Variants in ACOT1 observed in about 807,000 individuals in gnomAD.
ACOT1 encodes acyl-CoA thioesterase 1.
Under a neutral mutation model 15.7 loss-of-function variants are expected in ACOT1, and 8 were observed. The observed-to-expected ratio is 0.51, with a 90% CI of 0.30 to 0.92. The LOEUF is 0.92. Ranked by LOEUF, ACOT1 falls within the 40% of genes least tolerant of loss-of-function variation. The probability of loss-of-function intolerance (pLI) is 0.06; values close to 1 mark genes in which losing one functional copy is unlikely to be tolerated. For synonymous variants in ACOT1, 67 were observed against 241.2 expected (o/e 0.28, Z 6.69); for missense variants, 151 against 539.4 (o/e 0.28, Z 7.13).
intron 1 of ACOT1, among the ~76,000 whole-genome samples, chr14:73,540,356 T>C (rs937776440): frequency 5.0e-5 from 7 of 139,230 alleles, no homozygotes; most frequent in African/African-American, 1.8e-4. Flanking sequence ...GATTAATAAA[T>C]TGAGGTATAT....
At chr14:73,503,696 G>C in the ACOT1 span, among the ~76,000 whole-genome samples, 4 of 152,112 alleles carry the variant, frequency 2.6e-5, no homozygotes, top group African/African-American at 4.8e-5. Context: ...CCCCTTGTAA[G>C]CACAGGAAAT....
upstream of ACOT1, among the ~76,000 whole-genome samples, chr14:73,534,948 C>T (rs760455107): frequency 1.2e-4 from 13 of 111,992 alleles, 5 homozygotes; most frequent in Non-Finnish European, 2.5e-4. Context: ...CATTCAGCTA[C>T]TGGGGGAGTG....
the ACOT1 span, chr14:73,492,575 G>A: frequency 6.2e-7 from 1 of 1,613,910 alleles, no homozygotes; most frequent in Non-Finnish European, 8.5e-7. This position sits in a 1 kb window ranked among gnomAD's most constrained non-coding sequence, Gnocchi z 4.9. Context: ...TAGGGAGAGG[G>A]CACTAAGTGT....
chr14:73,529,417 A>T, the ACOT1 span, among the ~76,000 whole-genome samples: 1 of 151,844 alleles, frequency 6.6e-6, no homozygotes, highest in East Asian at 1.9e-4. Context: ...AGGCCCTGGA[A>T]TGAGCAACCC....
the ACOT1 span, chr14:73,522,686 G>A: frequency 6.2e-7 from 1 of 1,614,244 alleles, no homozygotes; most frequent in South Asian, 1.1e-5. Flanking sequence ...TTCCCGGACG[G>A]TGCTGGCTGG....
the ACOT1 span, chr14:73,509,241 A>G: frequency 9.1e-6 from 13 of 1,430,052 alleles, no homozygotes; most frequent in Non-Finnish European, 1.3e-5. Context: ...TGGAGAGGAA[A>G]GGACTGGGAA....
chr14:73,500,965 T>C, the ACOT1 span, among the ~76,000 whole-genome samples: 1 of 152,244 alleles, frequency 6.6e-6, no homozygotes, highest in East Asian at 1.9e-4. Flanking sequence ...TTACACTGAA[T>C]GACTGAATAA....
the ACOT1 span, chr14:73,498,074 A>T: frequency 7.6e-7 from 1 of 1,323,468 alleles, no homozygotes; most frequent in Non-Finnish European, 1.0e-6. Flanking sequence ...TAGCCTGGAA[A>T]GGCAGGGACA....
the ACOT1 span, among the ~76,000 whole-genome samples, chr14:73,505,401 T>C: frequency 6.8e-6 from 1 of 147,870 alleles, no homozygotes; most frequent in African/African-American, 2.6e-5. Context: ...TTGTTTTTTT[T>C]TGTTTTGTTT....
the ACOT1 span, among the ~76,000 whole-genome samples, chr14:73,501,697 C>T: frequency 6.6e-6 from 1 of 151,594 alleles, no homozygotes; most frequent in Admixed American, 6.6e-5. Context: ...GCCTCAGCCT[C>T]CCAAGTAGCT....
At chr14:73,521,464 A>G in the ACOT1 span, among the ~76,000 whole-genome samples, 1 of 152,130 alleles carries the variant, frequency 6.6e-6, no homozygotes, top group African/African-American at 2.4e-5. Flanking sequence ...AAGCTCCTTA[A>G]AGGTACATAT....
the ACOT1 span, chr14:73,495,402 A>G: frequency 6.2e-7 from 1 of 1,605,012 alleles, no homozygotes. Context: ...ATTAGAACAA[A>G]TAATGTTTGA....
chr14:73,503,133 T>G, the ACOT1 span: 8 of 790,656 alleles, frequency 1.0e-5, no homozygotes, highest in East Asian at 1.7e-4. Context: ...TTGTCCTGAG[T>G]GTTTTTTCCC....
chr14:73,499,233 CATTT>C, the ACOT1 span: 1 of 1,109,280 alleles, frequency 9.0e-7, no homozygotes, highest in Non-Finnish European at 1.4e-6. Flanking sequence ...GTAATCCCAG[CATTT>C]TGGGATGCCA....
the ACOT1 span, among the ~76,000 whole-genome samples, chr14:73,506,812 T>G: frequency 3.2e-4 from 42 of 130,956 alleles, 1 homozygote; most frequent in Admixed American, 9.8e-4. Flanking sequence ...CTGTTTTTTT[T>G]TTTTTTTTTT....
chr14:73,541,567 C>T lies in ACOT1; in HGVS notation c.532C>T (p.Leu178=). The T allele has an allele frequency of 2.4e-6, 3 of 1,244,590 alleles. 1 individual carries two copies. The highest frequency in any genetic ancestry group is 3.2e-6 in the Non-Finnish European group (3 of 936,560). The allele number at this position is 1,244,590 out of a possible 1,614,324, so 77.1% of individuals were successfully genotyped here. The change falls in exon 2 of 3, where the codon CTG becomes TTG. Residue 178 remains leucine (L), a synonymous_variant. Transcript: ENST00000311148. ...GGLLEYRASL[L]AGKGFAVMAL... is the part of the protein sequence containing the mutation. ...CCTGCTGGAGTATCGGGCTAGTCTG[C>T]TGGCTGGGAAGGGTTTTGCTGTGAT...
chr14:73,528,302 G>A, the ACOT1 span, among the ~76,000 whole-genome samples: 1 of 142,306 alleles, frequency 7.0e-6, no homozygotes, highest in South Asian at 2.2e-4. Context: ...GGCTGAGGCA[G>A]AATCGCTTGA....
In ACOT1 at chr14:73,537,926, C is replaced by G. The variant is rs1418307194; in HGVS notation, c.457+48C>G. 1.1e-5 allele frequency: 12 copies of G among 1,137,854 alleles called. 4 individuals carry two copies. In the African/African-American group the frequency reaches 2.1e-4, roughly 20 times the overall value. 70.5% of individuals were successfully genotyped at this position (1,137,854 alleles called of 1,614,324 possible). ...TCCCCTCTGCCCATCCCTGTTCCTG[C>G]GCTTTCCACTGTGTGTGTGTGTGTG... On this transcript the variant is annotated intron_variant, in intron 1 of 2. Coordinates refer to ENST00000311148, the MANE Select transcript of ACOT1 (RefSeq NM_001037161.2).
the ACOT1 span, chr14:73,509,460 C>T: frequency 6.2e-7 from 1 of 1,613,958 alleles, no homozygotes; most frequent in South Asian, 1.1e-5. Flanking sequence ...CCGGCAAGTC[C>T]TGGATGGTCT....
Sources: allele counts gnomAD v4.1 joint callset (sites outside exome capture counted in the v4.1 genomes callset), GRCh38; gene constraint gnomAD v4.1.1; non-coding constraint Gnocchi (gnomAD v3.1); transcripts MANE v1.5; gene names NCBI Gene and HGNC (gene_info 2026-07-23, HGNC 2026-07-21).